NEGR1: variants seen among roughly 807,000 people sequenced by gnomAD.
The protein encoded by NEGR1 is neuronal growth regulator 1.
Under a neutral mutation model 40.9 loss-of-function variants are expected in NEGR1, and 10 were observed. That is an observed-to-expected ratio of 0.24 (90% CI 0.15 to 0.42). The LOEUF is 0.42. NEGR1 is among the 10% of genes least tolerant of loss of function. The pLI is 1.00. For synonymous variants in NEGR1, 185 were observed against 166.8 expected (o/e 1.11, Z -0.84); for missense variants, 352 against 438.9 (o/e 0.80, Z 1.77).
intron 4 of NEGR1, among the ~76,000 whole-genome samples, chr1:71,688,309 C>CAT (rs373700339): frequency 0.021 from 886 of 41,284 alleles, 62 homozygotes; most frequent in African/African-American, 0.06. Flanking sequence ...TTTCCCTTTT[C>CAT]ATATATATAT....
intron 3 of NEGR1, among the ~76,000 whole-genome samples, chr1:71,755,854 A>C (rs1432506197): frequency 2.0e-5 from 3 of 152,212 alleles, no homozygotes; most frequent in African/African-American, 7.2e-5. Context: ...TCTGGCACAA[A>C]GTCTGACATA....
chr1:72,084,863 C>T (rs1016701197), intron 1 of NEGR1, among the ~76,000 whole-genome samples: 2 of 152,034 alleles, frequency 1.3e-5, no homozygotes, highest in Non-Finnish European at 2.9e-5. Context: ...TCACATGCTA[C>T]TAAGATTACA....
At chr1:71,897,321 A>G (rs1381134105) in intron 2 of NEGR1, among the ~76,000 whole-genome samples, 1 of 152,186 alleles carries the variant, frequency 6.6e-6, no homozygotes, top group Admixed American at 6.5e-5. Flanking sequence ...CCAGGACAAG[A>G]AGCAATGTTC....
chr1:72,263,364 T>TA (rs1267092078), intron 1 of NEGR1, among the ~76,000 whole-genome samples: 1 of 151,590 alleles, frequency 6.6e-6, no homozygotes, highest in Admixed American at 6.6e-5. Context: ...TGATCATATA[T>TA]AAGTCAGCTG....
chr1:71,499,991 A>C (rs2101399087), intron 6 of NEGR1, among the ~76,000 whole-genome samples: 1 of 152,258 alleles, frequency 6.6e-6, no homozygotes, highest in African/African-American at 2.4e-5. Context: ...TTGAATTAAA[A>C]TTCAATTTTA....
intron 4 of NEGR1, among the ~76,000 whole-genome samples, chr1:71,656,411 T>A (rs1651876057): frequency 6.6e-6 from 1 of 151,590 alleles, no homozygotes; most frequent in African/African-American, 2.4e-5. Flanking sequence ...TTTTGTTTTT[T>A]GTTGTTGTTG....
chr1:72,077,003 T>G (rs774099204), intron 1 of NEGR1, among the ~76,000 whole-genome samples: 34 of 149,914 alleles, frequency 2.3e-4, no homozygotes, highest in South Asian at 4.3e-4. Context: ...CAAGTGATTC[T>G]CCTGCCTCAG....
chr1:72,261,596 A>C (rs1018606318), intron 1 of NEGR1, among the ~76,000 whole-genome samples: 7 of 152,168 alleles, frequency 4.6e-5, no homozygotes, highest in African/African-American at 1.7e-4. Context: ...TTGAGCACAA[A>C]TTGTGGTGTC....
At chr1:72,230,325 CAACT>C (rs1557589149) in intron 1 of NEGR1, among the ~76,000 whole-genome samples, 1 of 152,052 alleles carries the variant, frequency 6.6e-6, no homozygotes, top group Non-Finnish European at 1.5e-5. Context: ...AAATTATTTT[CAACT>C]AATATCTAAC....
Position 72,102,900 on chromosome 1 carries a change from A to G in NEGR1, c.177-167589T>C, listed in dbSNP as rs576001603. On this transcript the variant is annotated intron_variant, in intron 1 of 6. Transcript: ENST00000357731. ...CAGCAGTAAAGTAGCACATGAAACG[A>G]TTTTTAAAAGTTTTGCTAGGTTAGC... 5.2e-4 allele frequency among the ~76,000 whole-genome samples: 79 copies of G among 152,168 alleles called. 2 individuals are homozygous for G. The South Asian group carries it at 0.016, about 30-fold the overall frequency.
At position 71,400,395 on chromosome 1, in the gene NEGR1, T is replaced by C. The variant is rs1400745778; in HGVS notation, c.*7051A>G. Reference sequence around the variant, plus strand: ...CTGTTACTTCATTTTTCTTACTGTTTTTGATATAAAATTCCTGTTATACCA... The same window carrying C: ...CTGTTACTTCATTTTTCTTACTGTTCTTGATATAAAATTCCTGTTATACCA... On this transcript the variant is annotated 3_prime_UTR_variant, in exon 7 of 7. Transcript: ENST00000357731. 6.6e-6 allele frequency: 1 copy of C among 152,120 alleles called. No individual in the cohort carries two copies. The highest frequency in any genetic ancestry group is 1.5e-5 in the Non-Finnish European group (1 of 68,006). The allele number at this position is 152,120 out of a possible 1,614,324, so 9.4% of individuals were successfully genotyped here.
At chr1:71,625,293 G>GAC (rs145210964) in intron 4 of NEGR1, among the ~76,000 whole-genome samples, 2,383 of 147,832 alleles carry the variant, frequency 0.016, 27 homozygotes, top group South Asian at 0.062. Context: ...AATACACACA[G>GAC]ACACACACAC....
chr1:72,090,370 A>AG (rs1455407543), intron 1 of NEGR1, among the ~76,000 whole-genome samples: 5 of 143,246 alleles, frequency 3.5e-5, no homozygotes, highest in African/African-American at 1.5e-4. Context: ...TTTCTTAAAA[A>AG]AAAAAAAAAA....
chr1:71,421,089 ACC>A (rs1646390745), intron 6 of NEGR1, among the ~76,000 whole-genome samples: 1 of 152,050 alleles, frequency 6.6e-6, no homozygotes, highest in Non-Finnish European at 1.5e-5. Flanking sequence ...CTTTTTTAGT[ACC>A]TCAAGCATAT....
chr1:71,609,556 A>AAAAG (rs1650183502), intron 5 of NEGR1, among the ~76,000 whole-genome samples: 1 of 135,036 alleles, frequency 7.4e-6, no homozygotes, highest in East Asian at 2.1e-4. Context: ...AAAAAAAAAA[A>AAAAG]GAAATGAGAC....
chr1:71,686,152 T>C (rs1330199143), intron 4 of NEGR1, among the ~76,000 whole-genome samples: 1 of 152,172 alleles, frequency 6.6e-6, no homozygotes, highest in Non-Finnish European at 1.5e-5. Context: ...AAGCTTTTTA[T>C]CATTGCTTTC....
intron 1 of NEGR1, among the ~76,000 whole-genome samples, chr1:72,181,035 G>C (rs949265918): frequency 6.6e-6 from 1 of 152,144 alleles, no homozygotes; most frequent in Middle Eastern, 3.2e-3. Context: ...GTTGACTGTA[G>C]TGTTCTTGAG....
chr1:72,133,713 G>A (rs903952702), intron 1 of NEGR1, among the ~76,000 whole-genome samples: 6 of 151,342 alleles, frequency 4.0e-5, no homozygotes, highest in Non-Finnish European at 7.4e-5. Context: ...AGATTCATTA[G>A]CACATAAGTA....
rs148493700 is a variant in NEGR1, at chr1:71,596,044, C to CAA, written c.789-3078_789-3077dup. The stretch of plus-strand genomic sequence containing the variant: ...TGCCAAACCCTGCCCCTCCCTGCCA[C>CAA]AAAAAAAAAAAAAAAAAAAAGAGAA... On this transcript the variant is annotated intron_variant, in intron 5 of 6. Transcript: ENST00000357731. 2.9e-4 allele frequency among the ~76,000 whole-genome samples: 38 copies of CAA among 132,534 alleles called. 1 individual carries two copies. Among genetic ancestry groups the CAA allele is most frequent in the East Asian group, 2.6e-3 (12 of 4,558 alleles). 86.9% of individuals were successfully genotyped at this position (132,534 alleles called of 152,430 possible). A position where few individuals can be genotyped will look rare whatever the true frequency, so the allele number is the denominator to read the frequency against.
Sources: allele counts gnomAD v4.1 joint callset (sites outside exome capture counted in the v4.1 genomes callset), GRCh38; gene constraint gnomAD v4.1.1; transcripts MANE v1.5; gene names NCBI Gene and HGNC (gene_info 2026-07-23, HGNC 2026-07-21).